GSG1: variants seen among roughly 807,000 people sequenced by gnomAD.
The protein encoded by GSG1 is germ cell associated 1, also known as germ cell-specific gene 1 protein.
GSG1 carries 28 observed loss-of-function variants against 30.8 expected under a neutral mutation model. The observed-to-expected ratio is 0.91, with a 90% CI of 0.67 to 1.25. The LOEUF is 1.25. GSG1 is among the 50% of genes most tolerant of loss of function. GSG1 has a pLI of 0.00. For synonymous variants in GSG1, 162 were observed against 178.0 expected (o/e 0.91, Z 0.71); for missense variants, 435 against 444.7 (o/e 0.98, Z 0.20).
rs994927549 is a variant in GSG1, at chr12:13,093,479, C to A, written c.49-2661G>T. Among the ~76,000 whole-genome samples the A allele has an allele frequency of 6.6e-6, 1 of 152,146 alleles. No homozygotes were observed. Among genetic ancestry groups the A allele is most frequent in the African/African-American group, 2.4e-5 (1 of 41,424 alleles). ...CTGGAGGATAAAAGAGGGCAGTGAACCTACTGGGATGTGGGGCTATTGAAA... is the reference window on the plus strand; with the variant it reads ...CTGGAGGATAAAAGAGGGCAGTGAAACTACTGGGATGTGGGGCTATTGAAA... On this transcript the variant is annotated intron_variant, in intron 1 of 6. Coordinates refer to ENST00000651961, the MANE Select transcript of GSG1 (RefSeq NM_001080555.4). This position sits in a 1 kb window ranked among gnomAD's most constrained non-coding sequence, Gnocchi z 4.6.
rs1863378081 is a variant in GSG1 at position 13,103,662 on chromosome 12, T to C, written c.-150A>G. ...GTGGTGTGTGGTGGATTGGAGAGGA[T>C]GTCCTGAGGGCCAGACACCAGCCAG... is the stretch of plus-strand genomic sequence containing the variant. On this transcript the variant is annotated 5_prime_UTR_variant, in exon 1 of 7. Transcript: ENST00000651961. 3 of 815,232 alleles carry C rather than the reference T, an allele frequency of 3.7e-6. No homozygotes were observed. The highest frequency in any genetic ancestry group is 6.1e-6 in the Non-Finnish European group (3 of 493,308). The allele number at this position is 815,232 out of a possible 1,614,324, so 50.5% of individuals were successfully genotyped here.
intron 6 of GSG1, 149 bp downstream of exon 6, chr12:13,087,003 C>A: frequency 5.2e-6 from 3 of 580,782 alleles, no homozygotes; most frequent in South Asian, 2.2e-5. Context: ...TGGATGTGCC[C>A]TGATGATGCA....
At chr12:13,086,013 A>T (rs936186851) in intron 6 of GSG1, among the ~76,000 whole-genome samples, 1 of 152,148 alleles carries the variant, frequency 6.6e-6, no homozygotes, top group Admixed American at 6.5e-5. Flanking sequence ...AAATCCCTAA[A>T]TCTCCCTGTG....
At chr12:13,095,587 G>A (rs1428845009) in intron 1 of GSG1, 1 of 1,614,040 alleles carries the variant, frequency 6.2e-7, no homozygotes. Context: ...AATAGGAGGG[G>A]AAGCCGGTTA....
chr12:13,099,758 T>TTTTTG (rs1863041925), intron 1 of GSG1, among the ~76,000 whole-genome samples: 2 of 133,856 alleles, frequency 1.5e-5, no homozygotes, highest in Admixed American at 1.4e-4. Flanking sequence ...TTGTTTTTTT[T>TTTTTG]TTTTTTTTTT....
chr12:13,098,869 G>A (rs185036078), intron 1 of GSG1, among the ~76,000 whole-genome samples: 2 of 152,298 alleles, frequency 1.3e-5, no homozygotes, highest in African/African-American at 4.8e-5. Context: ...TGTTATATGA[G>A]GAGGCTCAGG....
Position 13,084,382 on chromosome 12 carries a change from G to A in GSG1, c.*519C>T, listed in dbSNP as rs2062841687. The A allele has an allele frequency of 6.5e-6, 1 of 153,516 alleles. No individual in the cohort carries two copies. Among genetic ancestry groups the A allele is most frequent in the African/African-American group, 2.4e-5 (1 of 41,440 alleles). The allele number at this position is 153,516 out of a possible 1,614,324, so 9.5% of individuals were successfully genotyped here. A position where few individuals can be genotyped will look rare whatever the true frequency, so the allele number is the denominator to read the frequency against. Reference sequence around the variant, plus strand: ...AACACTTTTACTGGGTACCTACTGTGTGGATGCAGGACACTGTCCCAGGCA... The same window carrying A: ...AACACTTTTACTGGGTACCTACTGTATGGATGCAGGACACTGTCCCAGGCA... On this transcript the variant is annotated 3_prime_UTR_variant, in exon 7 of 7. Coordinates refer to ENST00000651961, the MANE Select transcript of GSG1 (RefSeq NM_001080555.4).
intron 4 of GSG1, 127 bp downstream of exon 4, chr12:13,088,735 T>C: frequency 6.2e-7 from 1 of 1,612,032 alleles, no homozygotes; most frequent in Non-Finnish European, 8.5e-7. Flanking sequence ...ATCAGACACA[T>C]ACTTGCCACA....
Position 13,090,829 on chromosome 12 carries a change from C to G in GSG1, c.49-11G>C. On this transcript the variant is annotated splice_polypyrimidine_tract_variant and intron_variant, in intron 1 of 6. Coordinates refer to ENST00000651961, the MANE Select transcript of GSG1 (RefSeq NM_001080555.4). ...CTTCGAGAGCTCCATCTGTAATAGA[C>G]AAGCACAAGTGGAAGGGAAGGGAGC... 6 of 1,596,656 alleles carry G rather than the reference C, an allele frequency of 3.8e-6. No individual in the cohort carries two copies. The highest frequency in any genetic ancestry group is 5.1e-6 in the Non-Finnish European group (6 of 1,169,536).
In GSG1 at chr12:13,093,511, G is replaced by A. The variant is rs967363150; in HGVS notation, c.49-2693C>T. ...GGATGTGGGGCTATTGAAACCTTTG[G>A]AAAGGAGATGGGGCTTATGGTTCTG... On this transcript the variant is annotated intron_variant, in intron 1 of 6. Coordinates refer to ENST00000651961, the MANE Select transcript of GSG1 (RefSeq NM_001080555.4). The surrounding 1 kb of genome is among the most constrained non-coding windows in gnomAD (Gnocchi z 4.6). 2.0e-5 allele frequency among the ~76,000 whole-genome samples: 3 copies of A among 152,202 alleles called. No homozygotes were observed. The highest frequency in any genetic ancestry group is 6.5e-5 in the Admixed American group (1 of 15,278).
At position 13,084,809 on chromosome 12, in the gene GSG1, G is replaced by T. The variant is rs566167253; in HGVS notation, c.*92C>A. The T allele has an allele frequency of 3.6e-6, 3 of 832,748 alleles. No individual in the cohort carries two copies. The highest frequency in any genetic ancestry group is 1.7e-5 in the African/African-American group (1 of 58,086). The allele number at this position is 832,748 out of a possible 1,614,324, so 51.6% of individuals were successfully genotyped here. On this transcript the variant is annotated 3_prime_UTR_variant, in exon 7 of 7. Transcript: ENST00000651961. ...CTTATTCGTAGCCTCTAAAAACCAT[G>T]CTCAAGAGACGGATGTTGGCTTAAG...
intron 1 of GSG1, among the ~76,000 whole-genome samples, chr12:13,092,752 T>G (rs1481755761): frequency 5.3e-5 from 8 of 151,990 alleles, no homozygotes; most frequent in African/African-American, 1.9e-4. Context: ...AAGCATCAGA[T>G]AGCAATAACC....
chr12:13,093,320 C>T lies in GSG1; in HGVS notation c.49-2502G>A, dbSNP rs941197464. Among the ~76,000 whole-genome samples the T allele has an allele frequency of 6.6e-6, 1 of 152,116 alleles. No homozygotes were observed. The highest frequency in any genetic ancestry group is 1.5e-5 in the Non-Finnish European group (1 of 68,032). ...ACTGACAGGTAGTAGCACTGACTTG[C>T]TGAAGCATTTGCTATTGTAACAAAG... On this transcript the variant is annotated intron_variant, in intron 1 of 6. Transcript: ENST00000651961. The surrounding 1 kb of genome is among the most constrained non-coding windows in gnomAD (Gnocchi z 4.6).
intron 2 of GSG1, 101 bp from the exon 3 acceptor site, chr12:13,089,377 A>G (rs1457264687): frequency 6.5e-7 from 1 of 1,531,316 alleles, no homozygotes. Context: ...GCAGATATCA[A>G]ATTGTTCATG....
chr12:13,096,366 C>T (rs552603705), intron 1 of GSG1, among the ~76,000 whole-genome samples: 2 of 149,686 alleles, frequency 1.3e-5, no homozygotes, highest in Admixed American at 6.7e-5. Flanking sequence ...CCCAGCTACT[C>T]GGGAGGCTGA....
chr12:13,089,096 C>T, intron 3 of GSG1, 112 bp downstream of exon 3: 1 of 1,325,642 alleles, frequency 7.5e-7, no homozygotes, highest in Non-Finnish European at 1.0e-6. Context: ...AGGTGAATTT[C>T]TCTCTTCAGT....
chr12:13,096,473 CAAA>C (rs775026265), intron 1 of GSG1, among the ~76,000 whole-genome samples: 5 of 74,102 alleles, frequency 6.7e-5, no homozygotes, highest in African/African-American at 5.5e-5. Flanking sequence ...GACTCTGTCT[CAAA>C]AAAAAAAAAA....
At chr12:13,099,751 T>TTTTG (rs1565551059) in intron 1 of GSG1, among the ~76,000 whole-genome samples, 5 of 72,040 alleles carry the variant, frequency 6.9e-5, no homozygotes, top group Middle Eastern at 4.5e-3. Flanking sequence ...TTTTTTTTTG[T>TTTTG]TTTTTTTTTT....
Position 13,087,893 on chromosome 12 carries a change from C to G in GSG1, c.634+14G>C. The G allele has an allele frequency of 1.2e-6, 2 of 1,612,978 alleles. No homozygotes were observed. The highest frequency in any genetic ancestry group is 1.7e-6 in the Non-Finnish European group (2 of 1,179,544). On this transcript the variant is annotated intron_variant, in intron 5 of 6. Coordinates refer to ENST00000651961, the MANE Select transcript of GSG1 (RefSeq NM_001080555.4). ...CAGGGCCAACCACCCTCTCTCACTCCAGGAGCAACTCACCTGACAGGACAG... is the reference window on the plus strand; with the variant it reads ...CAGGGCCAACCACCCTCTCTCACTCGAGGAGCAACTCACCTGACAGGACAG...
Sources: allele counts gnomAD v4.1 joint callset (sites outside exome capture counted in the v4.1 genomes callset), GRCh38; gene constraint gnomAD v4.1.1; non-coding constraint Gnocchi (gnomAD v3.1); transcripts MANE v1.5; gene names NCBI Gene and HGNC (gene_info 2026-07-23, HGNC 2026-07-21).